The following PTPRD variants were observed in gnomAD, a reference collection of about 807,000 sequenced individuals.
PTPRD encodes the protein protein tyrosine phosphatase receptor type D, also known as receptor-type tyrosine-protein phosphatase delta.
A neutral mutation model predicts 214.5 loss-of-function variants in PTPRD; 34 were observed. The observed-to-expected ratio is 0.16, with a 90% CI of 0.12 to 0.21. The LOEUF is 0.21. Ranked by LOEUF, PTPRD falls within the 10% of genes least tolerant of loss-of-function variation. The probability of loss-of-function intolerance (pLI) is 1.00; values close to 1 mark genes in which losing one functional copy is unlikely to be tolerated. For synonymous variants in PTPRD, 1,128 were observed against 845.7 expected (o/e 1.33, Z -5.79); for missense variants, 2,545 against 2,398.7 (o/e 1.06, Z -1.27).
At chr9:9,917,289 C>A (rs1267297424) in intron 5 of PTPRD, among the ~76,000 whole-genome samples, 4 of 81,934 alleles carry the variant, frequency 4.9e-5, no homozygotes, top group Non-Finnish European at 4.9e-5. Flanking sequence ...ATTGACAAGC[C>A]ATTAGCTAGA....
At chr9:9,249,969 T>TA (rs1229942968) in intron 9 of PTPRD, among the ~76,000 whole-genome samples, 5 of 152,054 alleles carry the variant, frequency 3.3e-5, no homozygotes, top group South Asian at 4.1e-4. Flanking sequence ...AGTGTTATTT[T>TA]AAAAAATCCC....
intron 8 of PTPRD, among the ~76,000 whole-genome samples, chr9:9,569,081 A>C (rs660717): frequency 0.37 from 56,303 of 151,486 alleles, 10,921 homozygotes; most frequent in African/African-American, 0.47. Context: ...GCCATTATAC[A>C]GAGTTTAAAG....
chr9:9,127,999 G>T lies in PTPRD; in HGVS notation c.-143+55305C>A, dbSNP rs143447078. Among the ~76,000 whole-genome samples, 906 of 152,084 alleles carry T rather than the reference G, an allele frequency of 6.0e-3. 30 individuals are homozygous for T. Among genetic ancestry groups the T allele is most frequent in the Admixed American group, 0.052 (793 of 15,278 alleles). ...ATTAACCTTGATACCTTCCAAATTG[G>T]CTGCCAATTTTATTTAGGCTCTAAA... On this transcript the variant is annotated intron_variant, in intron 10 of 45. Transcript: ENST00000381196.
At chr9:9,663,846 T>C (rs2096664510) in intron 7 of PTPRD, among the ~76,000 whole-genome samples, 1 of 151,592 alleles carries the variant, frequency 6.6e-6, no homozygotes, top group African/African-American at 2.4e-5. Context: ...CTTTGGAATG[T>C]CAAAAGCAAA....
intron 10 of PTPRD, among the ~76,000 whole-genome samples, chr9:9,144,638 A>T (rs2099865618): frequency 6.6e-6 from 1 of 152,074 alleles, no homozygotes; most frequent in African/African-American, 2.4e-5. Flanking sequence ...CTGTAATCCC[A>T]GCTACTCCGG....
chr9:9,134,230 G>T (rs1592175207), intron 10 of PTPRD, among the ~76,000 whole-genome samples: 1 of 147,882 alleles, frequency 6.8e-6, no homozygotes, highest in African/African-American at 2.6e-5. Flanking sequence ...CCGCCACCAC[G>T]CCCGGCTAAT....
At chr9:9,713,954 C>A (rs552615743) in intron 7 of PTPRD, among the ~76,000 whole-genome samples, 5 of 151,920 alleles carry the variant, frequency 3.3e-5, no homozygotes, top group African/African-American at 1.2e-4. Context: ...GGTAGGTTAC[C>A]CTCCTTACTT....
intron 2 of PTPRD, among the ~76,000 whole-genome samples, chr9:10,384,832 G>A (rs927572087): frequency 9.3e-5 from 14 of 151,006 alleles, no homozygotes; most frequent in African/African-American, 3.4e-4. Context: ...TATTGCGAAG[G>A]ATAATATGAT....
chr9:9,794,451 G>C (rs1270800962), intron 5 of PTPRD, among the ~76,000 whole-genome samples: 1 of 152,018 alleles, frequency 6.6e-6, no homozygotes, highest in African/African-American at 2.4e-5. Flanking sequence ...TGGTGGCAGA[G>C]GCAAAAGTGA....
At chr9:9,668,311 C>T (rs919614743) in intron 7 of PTPRD, among the ~76,000 whole-genome samples, 16 of 152,122 alleles carry the variant, frequency 1.1e-4, no homozygotes, top group Admixed American at 7.9e-4. Context: ...AGCAAGTCTT[C>T]GCATTTCCTC....
At chr9:9,559,639 T>C (rs1267748454) in intron 8 of PTPRD, among the ~76,000 whole-genome samples, 1 of 152,144 alleles carries the variant, frequency 6.6e-6, no homozygotes, top group African/African-American at 2.4e-5. Flanking sequence ...GACTATGACA[T>C]ATAGTGGAGC....
At chr9:8,890,556 A>T (rs1000589180) in intron 11 of PTPRD, among the ~76,000 whole-genome samples, 20 of 152,248 alleles carry the variant, frequency 1.3e-4, no homozygotes, top group Non-Finnish European at 2.5e-4. Context: ...ATGTTAAACA[A>T]AAGGTAGCCT....
At chr9:8,817,930 C>T (rs902724856) in intron 11 of PTPRD, among the ~76,000 whole-genome samples, 3 of 152,242 alleles carry the variant, frequency 2.0e-5, no homozygotes, top group African/African-American at 7.2e-5. Flanking sequence ...CAGTTAGTTG[C>T]TCAGGGGTTT....
intron 12 of PTPRD, among the ~76,000 whole-genome samples, chr9:8,705,674 T>C (rs766107074): frequency 6.6e-6 from 1 of 152,168 alleles, no homozygotes; most frequent in Admixed American, 6.5e-5. Flanking sequence ...TAAAAAATAA[T>C]TTATCATATT....
intron 9 of PTPRD, among the ~76,000 whole-genome samples, chr9:9,368,329 T>C (rs1212121806): frequency 6.7e-6 from 1 of 150,270 alleles, no homozygotes; most frequent in Non-Finnish European, 1.5e-5. Flanking sequence ...GTGAATGAAA[T>C]ATACTAGCAT....
At chr9:9,336,475 C>T (rs1294647318) in intron 9 of PTPRD, among the ~76,000 whole-genome samples, 1 of 152,110 alleles carries the variant, frequency 6.6e-6, no homozygotes, top group Non-Finnish European at 1.5e-5. Flanking sequence ...GGTGGACAGG[C>T]TGGCTACATA....
chr9:10,512,031 TATATATATATATAC>T (rs2048426100), intron 2 of PTPRD, among the ~76,000 whole-genome samples: 1 of 15,154 alleles, frequency 6.6e-5, no homozygotes, highest in South Asian at 2.7e-3. Flanking sequence ...TATATATATG[TATATATATATATAC>T]ACACACGTAT....
intron 10 of PTPRD, among the ~76,000 whole-genome samples, chr9:9,149,576 G>A (rs894169905): frequency 5.9e-5 from 9 of 152,122 alleles, no homozygotes; most frequent in Non-Finnish European, 1.3e-4. Flanking sequence ...TCAGCAACAT[G>A]TTCATGAAAG....
At chr9:9,812,099 T>A (rs939194999) in intron 5 of PTPRD, among the ~76,000 whole-genome samples, 1 of 150,510 alleles carries the variant, frequency 6.6e-6, no homozygotes, top group Non-Finnish European at 1.5e-5. Flanking sequence ...TTGTTAGCAG[T>A]TTTTAGCAAC....
Sources: allele counts gnomAD v4.1 joint callset (sites outside exome capture counted in the v4.1 genomes callset), GRCh38; gene constraint gnomAD v4.1.1; transcripts MANE v1.5; gene names NCBI Gene and HGNC (gene_info 2026-07-23, HGNC 2026-07-21).